Variants in ANK2 observed in about 807,000 individuals in gnomAD.
ANK2 encodes ankyrin-2.
In ANK2, 83 loss-of-function variants were observed where a neutral mutation model predicts 360.5. The observed-to-expected ratio is 0.23, with a 90% CI of 0.19 to 0.28. The LOEUF is 0.28. ANK2 is among the 10% of genes least tolerant of loss of function. ANK2 has a pLI of 1.00. For synonymous variants in ANK2, 1,740 were observed against 1,759.5 expected (o/e 0.99, Z 0.28); for missense variants, 4,201 against 4,795.7 (o/e 0.88, Z 3.66).
chr4:113,246,580 G>A (rs1298283436), intron 9 of ANK2, among the ~76,000 whole-genome samples: 1 of 151,834 alleles, frequency 6.6e-6, no homozygotes, highest in Non-Finnish European at 1.5e-5. Context: ...ATTTAAATGT[G>A]GTGATACCGC....
the ANK2 span, among the ~76,000 whole-genome samples, chr4:112,746,829 C>T: frequency 1.3e-5 from 2 of 152,084 alleles, no homozygotes; most frequent in Non-Finnish European, 2.9e-5. Context: ...TAAAATTATT[C>T]CTTGACATAT....
chr4:113,054,110 G>A (rs1284613331), intron 1 of ANK2, among the ~76,000 whole-genome samples: 1 of 152,180 alleles, frequency 6.6e-6, no homozygotes, highest in Non-Finnish European at 1.5e-5. Flanking sequence ...AGGCTTGTGA[G>A]TTCTTCTAAA....
the ANK2 span, among the ~76,000 whole-genome samples, chr4:112,767,444 C>G: frequency 6.6e-6 from 1 of 151,966 alleles, no homozygotes; most frequent in African/African-American, 2.4e-5. Context: ...GTCTGTAGTC[C>G]CAGCTACTCG....
At chr4:113,199,859 G>A (rs541428616) in intron 4 of ANK2, among the ~76,000 whole-genome samples, 2 of 152,198 alleles carry the variant, frequency 1.3e-5, no homozygotes, top group Non-Finnish European at 2.9e-5. Context: ...AGCCAGCTCT[G>A]TTCCATCTAT....
At chr4:112,715,909 C>A in the ANK2 span, among the ~76,000 whole-genome samples, 2 of 152,062 alleles carry the variant, frequency 1.3e-5, no homozygotes, top group South Asian at 2.1e-4. Context: ...GGCAACAAAG[C>A]GAGACTCCCA....
chr4:113,249,993 G>A, intron 10 of ANK2, 131 bp downstream of exon 10: 1 of 820,766 alleles, frequency 1.2e-6, no homozygotes, highest in South Asian at 1.6e-5. Flanking sequence ...GCTAGGAATA[G>A]GAATATGTAT....
At chr4:112,924,602 A>G (rs1490835697) in intron 2 of ANK2, among the ~76,000 whole-genome samples, 2 of 151,934 alleles carry the variant, frequency 1.3e-5, no homozygotes, top group Admixed American at 6.5e-5. Flanking sequence ...GATATTATGT[A>G]GCCATTTAAA....
At chr4:113,250,909 A>G (rs2045984624) in intron 10 of ANK2, among the ~76,000 whole-genome samples, 1 of 152,188 alleles carries the variant, frequency 6.6e-6, no homozygotes, top group Non-Finnish European at 1.5e-5. Flanking sequence ...TATGTGTAGA[A>G]TGAACTCAAT....
chr4:113,191,533 C>G (rs2098664076), intron 2 of ANK2, among the ~76,000 whole-genome samples: 1 of 152,168 alleles, frequency 6.6e-6, no homozygotes, highest in Admixed American at 6.5e-5. Context: ...AATACTTTTG[C>G]TAGCCTACGT....
At chr4:112,822,217 A>G (rs1006575103) in intron 1 of ANK2, among the ~76,000 whole-genome samples, 6 of 146,282 alleles carry the variant, frequency 4.1e-5, no homozygotes, top group Non-Finnish European at 9.0e-5. Context: ...CCTGGCTAAC[A>G]CCGTGAAACC....
chr4:113,278,410 G>A (rs1236922635), intron 16 of ANK2, 50 bp from the exon 17 acceptor site: 1 of 1,519,940 alleles, frequency 6.6e-7, no homozygotes, highest in Non-Finnish European at 9.1e-7. Flanking sequence ...TAGCTTCAGG[G>A]CAGCTAACCC....
chr4:113,339,406 T>G, intron 32 of ANK2, 84 bp downstream of exon 32: 1 of 1,097,276 alleles, frequency 9.1e-7, no homozygotes, highest in Non-Finnish European at 1.4e-6. Flanking sequence ...GTTTCTTTAT[T>G]GTTTAAAAGT....
At chr4:112,792,075 CT>C in the ANK2 span, among the ~76,000 whole-genome samples, 2 of 82,726 alleles carry the variant, frequency 2.4e-5, no homozygotes, top group Non-Finnish European at 4.3e-5. Flanking sequence ...GAGTTTTGCT[CT>C]TGTTGCCCAG....
At chr4:113,039,207 C>G (rs2062315564) in intron 2 of ANK2, among the ~76,000 whole-genome samples, 1 of 151,910 alleles carries the variant, frequency 6.6e-6, no homozygotes, top group African/African-American at 2.4e-5. Context: ...AGTAAACTGA[C>G]TTCCTTTGCC....
chr4:112,723,707 A>G, the ANK2 span, among the ~76,000 whole-genome samples: 3 of 152,104 alleles, frequency 2.0e-5, no homozygotes, highest in African/African-American at 7.2e-5. Flanking sequence ...CTTGATATAA[A>G]TTTCCTGGTT....
At chr4:112,725,446 T>C in the ANK2 span, among the ~76,000 whole-genome samples, 4 of 138,308 alleles carry the variant, frequency 2.9e-5, no homozygotes, top group Non-Finnish European at 6.2e-5. Flanking sequence ...CTGCAACCTC[T>C]GCCTCCCGGG....
chr4:113,207,549 G>A (rs375461454), intron 4 of ANK2, among the ~76,000 whole-genome samples: 2 of 152,108 alleles, frequency 1.3e-5, no homozygotes, highest in Non-Finnish European at 2.9e-5. Context: ...GGTAGTAAAT[G>A]GTTAAAATAG....
At chr4:113,042,348 T>C (rs914708068) in intron 2 of ANK2, among the ~76,000 whole-genome samples, 1 of 152,188 alleles carries the variant, frequency 6.6e-6, no homozygotes, top group African/African-American at 2.4e-5. Flanking sequence ...TTCTTGGTTC[T>C]CCAGCTTGCA....
chr4:113,020,519 T>C (rs900627071), intron 2 of ANK2, among the ~76,000 whole-genome samples: 19 of 152,044 alleles, frequency 1.2e-4, no homozygotes, highest in Non-Finnish European at 2.4e-4. Flanking sequence ...CGATAATTTG[T>C]TTTTTCTGAT....
Sources: allele counts gnomAD v4.1 joint callset (sites outside exome capture counted in the v4.1 genomes callset), GRCh38; gene constraint gnomAD v4.1.1; transcripts MANE v1.5; gene names NCBI Gene and HGNC (gene_info 2026-07-23, HGNC 2026-07-21).